The following IFNGR2 variants were observed in gnomAD, a reference collection of about 807,000 sequenced individuals.
IFNGR2 encodes the protein IFN-gamma receptor 2.
A neutral mutation model predicts 41.1 loss-of-function variants in IFNGR2; 15 were observed. The observed-to-expected ratio is 0.37, with a 90% CI of 0.24 to 0.56. The LOEUF is 0.56. IFNGR2 is among the 20% of genes least tolerant of loss of function. The probability of loss-of-function intolerance (pLI) is 0.81; values close to 1 mark genes in which losing one functional copy is unlikely to be tolerated. For missense variants in IFNGR2, 362 were observed against 415.7 expected, an observed-to-expected ratio of 0.87 and a Z score of 1.12; for synonymous variants, 161 against 171.6, an observed-to-expected ratio of 0.94 and a Z score of 0.48.
intron 2 of IFNGR2, among the ~76,000 whole-genome samples, chr21:33,420,126 G>T (rs1601078808): frequency 1.3e-5 from 2 of 152,248 alleles, no homozygotes; most frequent in Middle Eastern, 6.8e-3. Flanking sequence ...GCATCTTGAA[G>T]TGGCTTTCAT....
intron 2 of IFNGR2, among the ~76,000 whole-genome samples, chr21:33,419,355 G>A (rs954643062): frequency 7.2e-5 from 11 of 152,004 alleles, no homozygotes; most frequent in Admixed American, 1.3e-4. Flanking sequence ...TGATCTGCCC[G>A]CCTCAGCCTC....
chr21:33,414,950 G>C lies in IFNGR2; in HGVS notation c.136G>C (p.Val46Leu). 1 of 1,614,166 alleles carries C rather than the reference G, an allele frequency of 6.2e-7. No individual in the cohort carries two copies. The highest frequency in any genetic ancestry group is 8.5e-7 in the Non-Finnish European group (1 of 1,180,032). The stretch of plus-strand genomic sequence containing the variant: ...GATTCGCCTGTACAACGCAGAGCAG[G>C]TCCTGAGTTGGGAGCCAGTGGCCCT... ...PKIRLYNAEQ[V>L]LSWEPVALSN... is the part of the protein sequence containing the mutation. The change falls in exon 2 of 7, where the codon GTC (valine) becomes CTC (leucine). Residue 46 changes from valine to leucine, a missense_variant. Coordinates refer to ENST00000290219, the MANE Select transcript of IFNGR2 (RefSeq NM_005534.4).
intron 4 of IFNGR2, among the ~76,000 whole-genome samples, chr21:33,431,619 T>A (rs1360987283): frequency 6.6e-6 from 1 of 152,224 alleles, no homozygotes; most frequent in Non-Finnish European, 1.5e-5. Context: ...GTCTTGCTCT[T>A]CATCCAGGCT....
chr21:33,426,996 T>C lies in IFNGR2; in HGVS notation c.525T>C (p.Tyr175=). Residue 175 remains tyrosine, a synonymous_variant, in exon 4 of 7, where the codon TAT becomes TAC. Coordinates refer to ENST00000290219, the MANE Select transcript of IFNGR2 (RefSeq NM_005534.4). ...ATACCTCCACGGCCTTTTTTTGTTA[T>C]TATGTCCATTACTGGGAAAAAGGAG... ...IADTSTAFFC[Y]YVHYWEKGGI... 1 of 1,613,498 alleles carries C rather than the reference T, an allele frequency of 6.2e-7. No individual in the cohort carries two copies. Among genetic ancestry groups the C allele is most frequent in the Non-Finnish European group, 8.5e-7 (1 of 1,179,528 alleles).
chr21:33,422,458 A>G (rs151223553), intron 3 of IFNGR2, among the ~76,000 whole-genome samples: 47 of 152,252 alleles, frequency 3.1e-4, no homozygotes, highest in African/African-American at 1.1e-3. Flanking sequence ...GAACAATTTT[A>G]TTGTTGACTT....
chr21:33,430,336 T>C (rs756134530), intron 4 of IFNGR2, among the ~76,000 whole-genome samples: 1 of 152,254 alleles, frequency 6.6e-6, no homozygotes, highest in Non-Finnish European at 1.5e-5. Flanking sequence ...AAATCGTGTC[T>C]TCCTCTGCCC....
chr21:33,432,890 CTTTT>C lies in IFNGR2; in HGVS notation c.879+29_879+32del, dbSNP rs143248516. On this transcript the variant is annotated intron_variant, in intron 6 of 6. Transcript: ENST00000290219. ...AGAAGAGGTACGTGTGCACACATCT[CTTTT>C]TTTTTTTTTGAGACAGGGTCTTGCT... 17 of 1,477,988 alleles carry C rather than the reference CTTTT, an allele frequency of 1.2e-5. No individual in the cohort carries two copies. The highest frequency in any genetic ancestry group is 1.4e-5 in the African/African-American group (1 of 70,496). The allele number at this position is 1,477,988 out of a possible 1,614,324, so 91.6% of individuals were successfully genotyped here.
Position 33,437,147 on chromosome 21 carries a change from A to G in IFNGR2, c.*185A>G, listed in dbSNP as rs578204439. 4.3e-5 allele frequency: 25 copies of G among 583,496 alleles called. No individual in the cohort carries two copies. Among genetic ancestry groups the G allele is most frequent in the Admixed American group, 1.2e-4 (4 of 32,976 alleles). The allele number at this position is 583,496 out of a possible 1,614,324, so 36.1% of individuals were successfully genotyped here. ...CAAGCTTTTTTTTTTTTTCTTAAAG[A>G]ATTTTCAAAATCAAATTCCAGAATG... On this transcript the variant is annotated 3_prime_UTR_variant, in exon 7 of 7. Transcript: ENST00000290219.
At chr21:33,420,801 C>T (rs540466067) in intron 2 of IFNGR2, among the ~76,000 whole-genome samples, 1 of 152,288 alleles carries the variant, frequency 6.6e-6, no homozygotes, top group South Asian at 2.1e-4. Flanking sequence ...AATCCCAGCA[C>T]TTTGGGAGGC....
chr21:33,407,188 C>CT (rs1426022638), intron 1 of IFNGR2, among the ~76,000 whole-genome samples: 6 of 151,964 alleles, frequency 3.9e-5, no homozygotes, highest in Non-Finnish European at 2.9e-5. Context: ...GTGCTGCTGA[C>CT]TTTTTCAGGG....
intron 1 of IFNGR2, among the ~76,000 whole-genome samples, chr21:33,407,387 T>C (rs115747041): frequency 5.5e-4 from 84 of 152,336 alleles, no homozygotes; most frequent in African/African-American, 1.9e-3. Flanking sequence ...AAATATCATG[T>C]AGCTGGAATG....
intron 4 of IFNGR2, among the ~76,000 whole-genome samples, chr21:33,430,073 A>T (rs1478694520): frequency 6.6e-6 from 1 of 152,236 alleles, no homozygotes; most frequent in Non-Finnish European, 1.5e-5. Context: ...TGGGAGGCAG[A>T]GGTTGCAGTG....
intron 1 of IFNGR2, 150 bp downstream of exon 1, chr21:33,403,766 C>A: frequency 4.2e-6 from 2 of 470,614 alleles, no homozygotes; most frequent in Non-Finnish European, 6.5e-6. Flanking sequence ...GTGGGATATG[C>A]GGAGTGCTCA....
chr21:33,419,262 T>A (rs1000217520), intron 2 of IFNGR2, among the ~76,000 whole-genome samples: 4 of 152,022 alleles, frequency 2.6e-5, no homozygotes, highest in African/African-American at 9.7e-5. Flanking sequence ...CCCGCCACCA[T>A]GCCTGGCTAA....
intron 3 of IFNGR2, among the ~76,000 whole-genome samples, chr21:33,425,985 T>C (rs1482289751): frequency 1.3e-5 from 2 of 152,244 alleles, no homozygotes; most frequent in Non-Finnish European, 2.9e-5. Context: ...AATTATACAA[T>C]GTGCATGCTT....
chr21:33,433,358 C>A (rs2083909167), intron 6 of IFNGR2, among the ~76,000 whole-genome samples: 1 of 152,208 alleles, frequency 6.6e-6, no homozygotes, highest in Admixed American at 6.5e-5. Context: ...GGTGGAAGCA[C>A]TCCGGTGTCG....
intron 6 of IFNGR2, among the ~76,000 whole-genome samples, chr21:33,433,986 G>A (rs1030803753): frequency 6.6e-6 from 1 of 152,108 alleles, no homozygotes; most frequent in East Asian, 1.9e-4. Flanking sequence ...AGGGTGCTTA[G>A]GAGGGCCCTA....
chr21:33,417,434 T>C (rs1267964974), intron 2 of IFNGR2, among the ~76,000 whole-genome samples: 2 of 152,188 alleles, frequency 1.3e-5, no homozygotes, highest in African/African-American at 4.8e-5. Context: ...ATTTGCTTAA[T>C]AGAAACAGGT....
intron 3 of IFNGR2, among the ~76,000 whole-genome samples, chr21:33,423,711 A>C (rs2083813820): frequency 6.6e-6 from 1 of 152,044 alleles, no homozygotes; most frequent in Non-Finnish European, 1.5e-5. Flanking sequence ...GCCAATAAAA[A>C]GTTTTTTAGA....
Sources: allele counts gnomAD v4.1 joint callset (sites outside exome capture counted in the v4.1 genomes callset), GRCh38; gene constraint gnomAD v4.1.1; transcripts MANE v1.5; gene names NCBI Gene and HGNC (gene_info 2026-07-23, HGNC 2026-07-21).